Variants in ARHGEF12 observed in about 807,000 individuals in gnomAD.
ARHGEF12 encodes the protein KMT2A/ARHGEF12 fusion protein.
A neutral mutation model predicts 211.2 loss-of-function variants in ARHGEF12; 66 were observed. The observed-to-expected ratio is 0.31, with a 90% CI of 0.26 to 0.38. The LOEUF is 0.38. Ranked by LOEUF, ARHGEF12 falls within the 10% of genes least tolerant of loss-of-function variation. The pLI, the probability that ARHGEF12 is intolerant of heterozygous loss-of-function variation, is 1.00. For missense variants in ARHGEF12, 1,429 were observed against 1,869.5 expected, an observed-to-expected ratio of 0.76 and a Z score of 4.34; for synonymous variants, 592 against 638.4, an observed-to-expected ratio of 0.93 and a Z score of 1.09.
intron 12 of ARHGEF12, chr11:120,438,496 A>G (rs956416577): frequency 6.6e-6 from 1 of 152,138 alleles, no homozygotes; most frequent in African/African-American, 2.4e-5. Flanking sequence ...AAAGAAAATA[A>G]TAAGAGTTGT....
intron 1 of ARHGEF12, among the ~76,000 whole-genome samples, chr11:120,344,893 T>C (rs1303328715): frequency 1.3e-5 from 2 of 152,260 alleles, no homozygotes; most frequent in African/African-American, 2.4e-5. Context: ...TTAAACTTGA[T>C]TTCTGTAACC....
chr11:120,482,480 C>T (rs1947275718), intron 39 of ARHGEF12, among the ~76,000 whole-genome samples: 1 of 152,152 alleles, frequency 6.6e-6, no homozygotes, highest in South Asian at 2.1e-4. Context: ...GGCACGGTGG[C>T]TCACGCCTGT....
chr11:120,402,619 G>A (rs539339909), intron 1 of ARHGEF12, among the ~76,000 whole-genome samples: 6 of 152,228 alleles, frequency 3.9e-5, no homozygotes, highest in African/African-American at 1.2e-4. Context: ...ACCAACTACA[G>A]TCTCAAATGC....
At chr11:120,346,189 T>A (rs1942714174) in intron 1 of ARHGEF12, among the ~76,000 whole-genome samples, 1 of 152,238 alleles carries the variant, frequency 6.6e-6, no homozygotes. Flanking sequence ...TACTCCATAA[T>A]AAGTGTATCT....
intron 3 of ARHGEF12, chr11:120,408,820 G>A (rs1046110278): frequency 6.6e-6 from 1 of 151,924 alleles, no homozygotes; most frequent in Non-Finnish European, 1.5e-5. Context: ...CATCAATTTA[G>A]GAGGCTTTGG....
intron 2 of ARHGEF12, among the ~76,000 whole-genome samples, chr11:120,406,758 C>T (rs1267246806): frequency 1.3e-5 from 2 of 152,120 alleles, no homozygotes; most frequent in Non-Finnish European, 2.9e-5. Flanking sequence ...CGGAGTTTCA[C>T]TGTGTTAGCC....
chr11:120,478,201 A>G lies in ARHGEF12; in HGVS notation c.3578A>G (p.Gln1193Arg), dbSNP rs1947114567. The change falls in exon 37 of 41, where the codon CAG becomes CGG. Residue 1193 changes from glutamine (Q) to arginine (R), a missense_variant. Gln to Arg is a conservative substitution (Grantham distance 43). Coordinates refer to ENST00000397843, the MANE Select transcript of ARHGEF12 (RefSeq NM_015313.3). ...LESTLISSKP[Q>R]SHSLSTSGKS... Reference sequence around the variant, plus strand: ...TCTACCTTAATATCGTCAAAACCTCAGTCTCATTCACTGAGTACCTCTGGG... The same window carrying G: ...TCTACCTTAATATCGTCAAAACCTCGGTCTCATTCACTGAGTACCTCTGGG... 1 of 1,614,132 alleles carries G rather than the reference A, an allele frequency of 6.2e-7. No homozygotes were observed. The highest frequency in any genetic ancestry group is 1.1e-5 in the South Asian group (1 of 91,076).
At chr11:120,361,240 C>T (rs796888613) in intron 1 of ARHGEF12, among the ~76,000 whole-genome samples, 26 of 152,284 alleles carry the variant, frequency 1.7e-4, no homozygotes, top group African/African-American at 6.0e-4. Flanking sequence ...GCATTACTGC[C>T]TGAGCTCCAC....
At chr11:120,337,400 AGCTGTGCAGTTAGCCTGGGGTT>A in intron 1 of ARHGEF12, 125 bp downstream of exon 1, 1 of 1,539,702 alleles carries the variant, frequency 6.5e-7, no homozygotes, top group South Asian at 1.2e-5. Flanking sequence ...GTTGTTTCGG[AGCTGTGCAGTTAGCCTGGGGTT>A]GCTGCCGAGT....
At chr11:120,465,176 G>T in intron 27 of ARHGEF12, 61 bp from the exon 28 acceptor site, 4 of 1,598,824 alleles carry the variant, frequency 2.5e-6, no homozygotes, top group Non-Finnish European at 3.4e-6. Flanking sequence ...CTGTCACTTT[G>T]TCTGGCTTGT....
chr11:120,347,266 CTGTCTGTGTGTGTG>C (rs150027981), intron 1 of ARHGEF12, among the ~76,000 whole-genome samples: 22,024 of 133,504 alleles, frequency 0.16, 1,926 homozygotes, highest in African/African-American at 0.25. Flanking sequence ...CTCTCTCTCT[CTGTCTGTGTGTGTG>C]TGTGTGTGTG....
intron 15 of ARHGEF12, among the ~76,000 whole-genome samples, chr11:120,442,854 C>G (rs2135791682): frequency 6.6e-6 from 1 of 151,880 alleles, no homozygotes; most frequent in East Asian, 1.9e-4. Context: ...CTCCTAAAAC[C>G]TCCATCACTT....
At position 120,381,314 on chromosome 11, in the gene ARHGEF12, GTCC is replaced by G. The variant is rs564296980; in HGVS notation, c.33-24799_33-24797del. 5.5e-3 allele frequency among the ~76,000 whole-genome samples: 845 copies of G among 152,260 alleles called. 7 individuals are homozygous for G. The highest frequency in any genetic ancestry group is 0.019 in the African/African-American group (809 of 41,548). On this transcript the variant is annotated intron_variant, in intron 1 of 40. Coordinates refer to ENST00000397843, the MANE Select transcript of ARHGEF12 (RefSeq NM_015313.3). ...ATCCATTACCACAAGGTTCACTCTA[GTCC>G]TCCTTTTTAATCTGTGACTTCCTTG...
At position 120,475,342 on chromosome 11, in the gene ARHGEF12, T is replaced by G; in HGVS notation, c.3112T>G (p.Leu1038Val). 1 of 1,613,832 alleles carries G rather than the reference T, an allele frequency of 6.2e-7. No individual in the cohort carries two copies. Among genetic ancestry groups the G allele is most frequent in the Non-Finnish European group, 8.5e-7 (1 of 1,179,812 alleles). The change falls in exon 33 of 41, where the codon TTA becomes GTA. Residue 1038 changes from leucine (L) to valine (V), a missense_variant and splice_region_variant. By Grantham distance (32) the Leu-to-Val change is conservative. Transcript: ENST00000397843. ...TTTTTCTGCACTTTTATTTCTAGAT[T>G]TATACACGTTGCTGCTGGAAGACAT... ...WKVNRDKTID[L>V]YTLLLEDILV...
rs1947466351 is a variant in ARHGEF12 at position 120,488,845 on chromosome 11, G to A, written c.*3768G>A. On this transcript the variant is annotated 3_prime_UTR_variant, in exon 41 of 41. Coordinates refer to ENST00000397843, the MANE Select transcript of ARHGEF12 (RefSeq NM_015313.3). The stretch of plus-strand genomic sequence containing the variant: ...CATGTATTTTTACTGATCACATTTT[G>A]AAATGCCTAAAAGACTTTATTGTTC... The A allele has an allele frequency of 4.7e-6, 1 of 211,648 alleles. No homozygotes were observed. The highest frequency in any genetic ancestry group is 1.5e-3 in the Middle Eastern group (1 of 654). 13.1% of individuals were successfully genotyped at this position (211,648 alleles called of 1,614,324 possible). A position where few individuals can be genotyped will look rare whatever the true frequency, so the allele number is the denominator to read the frequency against.
rs1038459776 is a variant in ARHGEF12 at position 120,445,561 on chromosome 11, C to A, written c.1345+97C>A. ...TTTTATCTGTCACATGGTGACTAGT[C>A]GATCACCTGAATCACAACAGAAAGA... On this transcript the variant is annotated intron_variant, in intron 16 of 40. Transcript: ENST00000397843. The A allele has an allele frequency of 1.1e-5, 13 of 1,172,778 alleles. No individual in the cohort carries two copies. The African/African-American group carries it at 2.0e-4, about 18-fold the overall frequency. 72.6% of individuals were successfully genotyped at this position (1,172,778 alleles called of 1,614,324 possible).
chr11:120,352,032 C>CA (rs1362362539), intron 1 of ARHGEF12, among the ~76,000 whole-genome samples: 1 of 149,072 alleles, frequency 6.7e-6, no homozygotes, highest in Non-Finnish European at 1.5e-5. Flanking sequence ...CTAGATCAAT[C>CA]AATTGGATGA....
At chr11:120,354,611 C>G (rs1943080908) in intron 1 of ARHGEF12, among the ~76,000 whole-genome samples, 2 of 151,986 alleles carry the variant, frequency 1.3e-5, no homozygotes, top group South Asian at 2.1e-4. Context: ...TTTTTTAACC[C>G]TTTTTGGTTG....
intron 3 of ARHGEF12, chr11:120,408,135 A>G (rs2135580692): frequency 4.5e-6 from 1 of 220,222 alleles, no homozygotes; most frequent in Non-Finnish European, 8.8e-6. Flanking sequence ...AAGTTGAATC[A>G]TGGTATAAGC....
Sources: allele counts gnomAD v4.1 joint callset (sites outside exome capture counted in the v4.1 genomes callset), GRCh38; gene constraint gnomAD v4.1.1; transcripts MANE v1.5; gene names NCBI Gene and HGNC (gene_info 2026-07-23, HGNC 2026-07-21).